KNCN: variants seen among roughly 807,000 people sequenced by gnomAD.
KNCN encodes the protein kinocilin.
A neutral mutation model predicts 10.4 loss-of-function variants in KNCN; 11 were observed. The ratio of observed to expected loss-of-function variants is 1.06; its 90% CI spans 0.67 to 1.75. KNCN has a LOEUF of 1.75. Among genes scored for constraint, KNCN ranks in the 40% most tolerant of loss-of-function variants. The pLI, the probability that KNCN is intolerant of heterozygous loss-of-function variation, is 0.00. For synonymous variants in KNCN, 67 were observed against 71.6 expected, an observed-to-expected ratio of 0.94 and a Z score of 0.33; for missense variants, 172 against 167.1, an observed-to-expected ratio of 1.03 and a Z score of -0.16.
chr1:46,549,348 C>T, intron 2 of KNCN, 81 bp from the exon 3 acceptor site: 1 of 991,306 alleles, frequency 1.0e-6, no homozygotes, highest in South Asian at 1.6e-5. Flanking sequence ...GGAAGTCCTT[C>T]TTGCTATCTA....
At chr1:46,550,904 C>A (rs539406831) in intron 1 of KNCN, among the ~76,000 whole-genome samples, 161 bp downstream of exon 1, 1 of 152,148 alleles carries the variant, frequency 6.6e-6, no homozygotes, top group Non-Finnish European at 1.5e-5. Flanking sequence ...GCTCCTCTCC[C>A]GCCTGTGCCC....
Position 46,547,829 on chromosome 1 carries a change from C to A in KNCN, c.296-20G>T. 1 of 1,442,320 alleles carries A rather than the reference C, an allele frequency of 6.9e-7. No homozygotes were observed. The highest frequency in any genetic ancestry group is 9.2e-7 in the Non-Finnish European group (1 of 1,092,862). 89.3% of individuals were successfully genotyped at this position (1,442,320 alleles called of 1,614,324 possible). On this transcript the variant is annotated intron_variant, in intron 3 of 3. Transcript: ENST00000481882. ...GGGCTCCTGGGGGAGAGAACAGGGA[C>A]GAGGACTGCCTCCGTAGACAGGTCC... is the stretch of plus-strand genomic sequence containing the variant.
Position 46,551,181 on chromosome 1 carries a change from C to T in KNCN, c.35G>A (p.Gly12Asp), listed in dbSNP as rs374851271. 1.2e-6 allele frequency: 2 copies of T among 1,610,322 alleles called. No individual in the cohort carries two copies. Among genetic ancestry groups the T allele is most frequent in the African/African-American group, 1.3e-5 (1 of 74,836 alleles). ...GAGAGCCACGCAGGCCAGCTGCAGGCCGCGGAAGTCTCTGCTGCTGATGGG... is the reference window on the plus strand; with the variant it reads ...GAGAGCCACGCAGGCCAGCTGCAGGTCGCGGAAGTCTCTGCTGCTGATGGG... ...DIPISSRDFR[G>D]LQLACVALGL... is the part of the protein sequence containing the mutation. Residue 12 changes from glycine to aspartate, a missense_variant, in exon 1 of 4, where the codon GGC becomes GAC. Transcript: ENST00000481882. This position sits in a 1 kb window ranked among gnomAD's most constrained non-coding sequence, Gnocchi z 4.0.
intron 1 of KNCN, among the ~76,000 whole-genome samples, chr1:46,550,858 T>C (rs1425365446): frequency 6.6e-6 from 1 of 152,034 alleles, no homozygotes; most frequent in Non-Finnish European, 1.5e-5. Flanking sequence ...CTCCTTCTTT[T>C]CTCCTCCCTG....
In KNCN at chr1:46,545,933, TAATG is replaced by T. The variant is rs1241850201; in HGVS notation, c.*1793_*1796del. The T allele has an allele frequency of 6.6e-6, 1 of 152,216 alleles. No individual in the cohort carries two copies. The highest frequency in any genetic ancestry group is 1.5e-5 in the Non-Finnish European group (1 of 68,086). 9.4% of individuals were successfully genotyped at this position (152,216 alleles called of 1,614,324 possible). A position where few individuals can be genotyped will look rare whatever the true frequency, so the allele number is the denominator to read the frequency against. ...CAGCAGCCTGAGATATTGTTGATGA[TAATG>T]AAGGAAAGGAGAAGGGGCAGGGAAT... On this transcript the variant is annotated 3_prime_UTR_variant, in exon 4 of 4. Transcript: ENST00000481882.
rs371167619 is a variant in KNCN at position 46,547,607 on chromosome 1, C to T, written c.*123G>A. The T allele has an allele frequency of 7.5e-5, 59 of 782,396 alleles. No homozygotes were observed. Among genetic ancestry groups the T allele is most frequent in the African/African-American group, 6.1e-4 (36 of 58,558 alleles). The allele number at this position is 782,396 out of a possible 1,614,324, so 48.5% of individuals were successfully genotyped here. On this transcript the variant is annotated 3_prime_UTR_variant, in exon 4 of 4. Coordinates refer to ENST00000481882, the MANE Select transcript of KNCN (RefSeq NM_001322255.2). ...CCCCATTCCAGACACTGTTCCCAGC[C>T]GCTCTGGGGTCTGCAGGGCCTGGCT...
Position 46,545,732 on chromosome 1 carries a change from T to TG in KNCN, c.*1997dup, listed in dbSNP as rs549439403. ...CATCGGGGATTCCATAGCCCCACCC[T>TG]GGGGAGAGCATGGCTGAGAGGGGTT... On this transcript the variant is annotated 3_prime_UTR_variant, in exon 4 of 4. Coordinates refer to ENST00000481882, the MANE Select transcript of KNCN (RefSeq NM_001322255.2). 1 of 152,194 alleles carries TG rather than the reference T, an allele frequency of 6.6e-6. No individual in the cohort carries two copies. Among genetic ancestry groups the TG allele is most frequent in the Non-Finnish European group, 1.5e-5 (1 of 68,080 alleles). 9.4% of individuals were successfully genotyped at this position (152,194 alleles called of 1,614,324 possible).
rs1666959928 is a variant in KNCN at position 46,547,179 on chromosome 1, G to A, written c.*551C>T. 1 of 355,090 alleles carries A rather than the reference G, an allele frequency of 2.8e-6. No individual in the cohort carries two copies. The highest frequency in any genetic ancestry group is 3.8e-5 in the Admixed American group (1 of 26,324). 22.0% of individuals were successfully genotyped at this position (355,090 alleles called of 1,614,324 possible). ...CCCCCATCTGATTCACTGCTGCTCA[G>A]AGCCTGTCCCTGAGGAACTGCCAGG... On this transcript the variant is annotated 3_prime_UTR_variant, in exon 4 of 4. Coordinates refer to ENST00000481882, the MANE Select transcript of KNCN (RefSeq NM_001322255.2).
rs1410923087 is a variant in KNCN, at chr1:46,549,965, C to T, written c.189G>A (p.Arg63=). 3 of 1,550,496 alleles carry T rather than the reference C, an allele frequency of 1.9e-6. No individual in the cohort carries two copies. The highest frequency in any genetic ancestry group is 2.7e-5 in the African/African-American group (2 of 73,018). Reference sequence around the variant, plus strand: ...TAGGCAGGATGTGGTCCAGGTTGAACCGAGCCTTCAGGAAGGGGTAGGCCA... The same window carrying T: ...TAGGCAGGATGTGGTCCAGGTTGAATCGAGCCTTCAGGAAGGGGTAGGCCA... ...LILAYPFLKA[R]FNLDHILPTI... Residue 63 remains arginine, a synonymous_variant, in exon 2 of 4, where the codon CGG becomes CGA. Transcript: ENST00000481882.
chr1:46,547,509 C>T lies in KNCN; in HGVS notation c.*221G>A, dbSNP rs1557804371. ...GGAACCCTGTGGGGGCGTCCGGCGACACCTTGCTCCAGGTCCCAGCCCACA... is the reference window on the plus strand; with the variant it reads ...GGAACCCTGTGGGGGCGTCCGGCGATACCTTGCTCCAGGTCCCAGCCCACA... On this transcript the variant is annotated 3_prime_UTR_variant, in exon 4 of 4. Coordinates refer to ENST00000481882, the MANE Select transcript of KNCN (RefSeq NM_001322255.2). 1 of 701,258 alleles carries T rather than the reference C, an allele frequency of 1.4e-6. No homozygotes were observed. The highest frequency in any genetic ancestry group is 2.6e-6 in the Non-Finnish European group (1 of 382,726). 43.4% of individuals were successfully genotyped at this position (701,258 alleles called of 1,614,324 possible).
rs568713144 is a variant in KNCN, at chr1:46,551,309, G to C, written c.-94C>G. ...GGCTCTTGGATGTCTCCTTGTTGGC[G>C]CTCCAACTTCAGGGTAGGAGTTTCT... On this transcript the variant is annotated 5_prime_UTR_variant, in exon 1 of 4. Coordinates refer to ENST00000481882, the MANE Select transcript of KNCN (RefSeq NM_001322255.2). This position sits in a 1 kb window ranked among gnomAD's most constrained non-coding sequence, Gnocchi z 4.0. 1,058 of 1,431,052 alleles carry C rather than the reference G, an allele frequency of 7.4e-4. 1 individual carries two copies. Among genetic ancestry groups the C allele is most frequent in the Middle Eastern group, 1.1e-3 (5 of 4,578 alleles). 88.6% of individuals were successfully genotyped at this position (1,431,052 alleles called of 1,614,324 possible). A position where few individuals can be genotyped will look rare whatever the true frequency, so the allele number is the denominator to read the frequency against.
rs4442318 is a variant in KNCN, at chr1:46,546,776, T to C, written c.*954A>G. On this transcript the variant is annotated 3_prime_UTR_variant, in exon 4 of 4. Coordinates refer to ENST00000481882, the MANE Select transcript of KNCN (RefSeq NM_001322255.2). ...GCAACGTTCAGTAGACTTAAGATGG[T>C]TTAATAATTGTTTTGTGAAAAGGAA... 0.21 allele frequency: 31,872 copies of C among 154,420 alleles called. 3,641 individuals carry two copies. Among genetic ancestry groups the C allele is most frequent in the East Asian group, 0.37 (1,897 of 5,176 alleles). 9.6% of individuals were successfully genotyped at this position (154,420 alleles called of 1,614,324 possible). A position where few individuals can be genotyped will look rare whatever the true frequency, so the allele number is the denominator to read the frequency against.
At position 46,546,200 on chromosome 1, in the gene KNCN, C is replaced by T. The variant is rs885126; in HGVS notation, c.*1530G>A. On this transcript the variant is annotated 3_prime_UTR_variant, in exon 4 of 4. Coordinates refer to ENST00000481882, the MANE Select transcript of KNCN (RefSeq NM_001322255.2). The stretch of plus-strand genomic sequence containing the variant: ...CTGCAGGCCTGGCCCCGTGATCTTT[C>T]ACCATGGGACTCGATGAGTCCTTTT... The T allele has an allele frequency of 0.49, 74,423 of 152,066 alleles. 18,739 individuals carry two copies. The highest frequency in any genetic ancestry group is 0.69 in the East Asian group (3,540 of 5,164). The allele number at this position is 152,066 out of a possible 1,614,324, so 9.4% of individuals were successfully genotyped here.
In KNCN at chr1:46,551,406, C is replaced by G; in HGVS notation, c.-191G>C. ...CTATTCCACTGCTCCACTACGGGCCCCCCAGTCCCACCTTGACCAGGGATC... is the reference window on the plus strand; with the variant it reads ...CTATTCCACTGCTCCACTACGGGCCGCCCAGTCCCACCTTGACCAGGGATC... On this transcript the variant is annotated 5_prime_UTR_variant, in exon 1 of 4. Transcript: ENST00000481882. The surrounding 1 kb of genome is among the most constrained non-coding windows in gnomAD (Gnocchi z 4.0). The G allele has an allele frequency of 1.8e-6, 1 of 563,762 alleles. No homozygotes were observed. The highest frequency in any genetic ancestry group is 3.0e-6 in the Non-Finnish European group (1 of 334,186). 34.9% of individuals were successfully genotyped at this position (563,762 alleles called of 1,614,324 possible).
chr1:46,549,811 G>T, intron 2 of KNCN, 123 bp downstream of exon 2: 2 of 1,513,132 alleles, frequency 1.3e-6, no homozygotes, highest in South Asian at 2.5e-5. Context: ...CTCTAACACA[G>T]ACAGCTAGCG....
chr1:46,548,183 T>C (rs1260430316), intron 3 of KNCN, among the ~76,000 whole-genome samples: 1 of 152,130 alleles, frequency 6.6e-6, no homozygotes, highest in African/African-American at 2.4e-5. Context: ...GCTGCCCTCA[T>C]GTGGTTGTTG....
chr1:46,548,410 A>AAACATGG (rs1462737677), intron 3 of KNCN, among the ~76,000 whole-genome samples: 1 of 152,134 alleles, frequency 6.6e-6, no homozygotes, highest in Non-Finnish European at 1.5e-5. Flanking sequence ...GGTTAAAGCT[A>AAACATGG]GTACCCAAAG....
Position 46,551,320 on chromosome 1 carries a change from A to G in KNCN, c.-105T>C, listed in dbSNP as rs923335900. 109 of 1,339,288 alleles carry G rather than the reference A, an allele frequency of 8.1e-5. No homozygotes were observed. Among genetic ancestry groups the G allele is most frequent in the Middle Eastern group, 2.4e-4 (1 of 4,192 alleles). The allele number at this position is 1,339,288 out of a possible 1,614,324, so 83.0% of individuals were successfully genotyped here. ...GTCTCCTTGTTGGCGCTCCAACTTCAGGGTAGGAGTTTCTGGGCAGTAAGA... is the reference window on the plus strand; with the variant it reads ...GTCTCCTTGTTGGCGCTCCAACTTCGGGGTAGGAGTTTCTGGGCAGTAAGA... On this transcript the variant is annotated 5_prime_UTR_variant, in exon 1 of 4. Coordinates refer to ENST00000481882, the MANE Select transcript of KNCN (RefSeq NM_001322255.2). This position sits in a 1 kb window ranked among gnomAD's most constrained non-coding sequence, Gnocchi z 4.0.
chr1:46,547,769 C>A lies in KNCN; in HGVS notation c.336G>T (p.Glu112Asp). 6.8e-7 allele frequency: 1 copy of A among 1,476,900 alleles called. No individual in the cohort carries two copies. The highest frequency in any genetic ancestry group is 9.0e-7 in the Non-Finnish European group (1 of 1,114,816). 91.5% of individuals were successfully genotyped at this position (1,476,900 alleles called of 1,614,324 possible). Reference sequence around the variant, plus strand: ...CCCCCCGGGTCCCCGGCTTCAGCTTCTCCAGGGTCCTGCTCACGGTGGACA... The same window carrying A: ...CCCCCCGGGTCCCCGGCTTCAGCTTATCCAGGGTCCTGCTCACGGTGGACA... ...SSLSTVSRTL[E>D]KLKPGTRGAE... The change falls in exon 4 of 4, where the codon GAG becomes GAT. Residue 112 changes from glutamate to aspartate, a missense_variant. By Grantham distance (45) the Glu-to-Asp change is conservative. Coordinates refer to ENST00000481882, the MANE Select transcript of KNCN (RefSeq NM_001322255.2).
Sources: allele counts gnomAD v4.1 joint callset (sites outside exome capture counted in the v4.1 genomes callset), GRCh38; gene constraint gnomAD v4.1.1; non-coding constraint Gnocchi (gnomAD v3.1); transcripts MANE v1.5; gene names NCBI Gene and HGNC (gene_info 2026-07-23, HGNC 2026-07-21).